Variants in RNF111 observed in about 807,000 individuals in gnomAD.
RNF111 encodes the protein E3 ubiquitin-protein ligase Arkadia.
Under a neutral mutation model 95.1 loss-of-function variants are expected in RNF111, and 17 were observed. That is an observed-to-expected ratio of 0.18 (90% CI 0.12 to 0.27). RNF111 has a LOEUF of 0.27. RNF111 is among the 10% of genes least tolerant of loss of function. RNF111 has a pLI of 1.00. For synonymous variants in RNF111, 440 were observed against 414.8 expected, an observed-to-expected ratio of 1.06 and a Z score of -0.74; for missense variants, 1,189 against 1,210.4, an observed-to-expected ratio of 0.98 and a Z score of 0.26.
intron 1 of RNF111, among the ~76,000 whole-genome samples, chr15:59,014,883 A>C (rs935714566): frequency 7.2e-5 from 11 of 151,990 alleles, no homozygotes; most frequent in African/African-American, 2.7e-4. Flanking sequence ...AGCCTTCTGA[A>C]TAGCTGGGAC....
intron 2 of RNF111, among the ~76,000 whole-genome samples, chr15:59,042,091 T>C (rs1246818449): frequency 6.6e-6 from 1 of 151,966 alleles, no homozygotes; most frequent in African/African-American, 2.4e-5. Context: ...ACAAATTAAT[T>C]AGTAGTTTCT....
At chr15:59,092,715 C>T (rs1485213728) in intron 13 of RNF111, 75 bp downstream of exon 13, 30 of 1,367,438 alleles carry the variant, frequency 2.2e-5, no homozygotes, top group African/African-American at 7.3e-5. Flanking sequence ...TAAATTACAC[C>T]GGGCATGATG....
intron 2 of RNF111, among the ~76,000 whole-genome samples, chr15:59,033,188 T>G (rs1213455178): frequency 6.6e-6 from 1 of 152,252 alleles, no homozygotes. Flanking sequence ...CAGTTTTACC[T>G]TATGTCTTGC....
At chr15:59,005,241 G>C (rs1413683743) in intron 1 of RNF111, among the ~76,000 whole-genome samples, 1 of 152,138 alleles carries the variant, frequency 6.6e-6, no homozygotes, top group Admixed American at 6.6e-5. Flanking sequence ...TGCCTAGGCT[G>C]ATCTCAAACT....
chr15:59,031,293 G>A lies in RNF111; in HGVS notation c.471G>A (p.Glu157=), dbSNP rs543681381. 2.5e-6 allele frequency: 4 copies of A among 1,614,012 alleles called. No individual in the cohort carries two copies. The South Asian group carries it at 3.3e-5, about 13-fold the overall frequency. The stretch of plus-strand genomic sequence containing the variant: ...ATTCTGATACTGTGACTTCAGATGA[G>A]GATAAAGAAGTCTCTGTAAGACATT... ...FGDSDTVTSD[E]DKEVSVRHSQ... Residue 157 remains glutamate (E), a synonymous_variant, in exon 2 of 14, where the codon GAG becomes GAA. Transcript: ENST00000348370.
In RNF111 at chr15:59,055,801, G is replaced by T; in HGVS notation, c.1127G>T (p.Arg376Met). ...SRISTVIQPL[R>M]QNAAEVVDLT... Reference sequence around the variant, plus strand: ...ATTTCTACTGTTATACAGCCCTTGAGGCAGAATGCAGCAGAAGTTGTGGAC... The same window carrying T: ...ATTTCTACTGTTATACAGCCCTTGATGCAGAATGCAGCAGAAGTTGTGGAC... The change falls in exon 4 of 14, where the codon AGG becomes ATG. Residue 376 changes from arginine (R) to methionine (M), a missense_variant. By Grantham distance (91) the Arg-to-Met change is moderately conservative (BLOSUM62 -1). Around this residue, in one of 2 missense-constraint regions of RNF111, gnomAD observed 1,024 missense variants for 925.9 expected, o/e 1.11. Transcript: ENST00000348370. 3 of 1,613,924 alleles carry T rather than the reference G, an allele frequency of 1.9e-6. No individual in the cohort carries two copies. The highest frequency in any genetic ancestry group is 2.5e-6 in the Non-Finnish European group (3 of 1,179,960).
intron 1 of RNF111, among the ~76,000 whole-genome samples, chr15:58,998,590 A>G (rs1253846807): frequency 1.3e-5 from 2 of 152,202 alleles, no homozygotes; most frequent in African/African-American, 4.8e-5. Context: ...ACACATTTTT[A>G]CTTGAAAGAA....
At chr15:59,051,130 A>G (rs1363707603) in intron 2 of RNF111, among the ~76,000 whole-genome samples, 3 of 152,214 alleles carry the variant, frequency 2.0e-5, no homozygotes, top group Admixed American at 2.0e-4. Context: ...CAAGTTTAGA[A>G]TGATTTAGAA....
chr15:59,064,040 A>G (rs1596248677), intron 5 of RNF111, among the ~76,000 whole-genome samples: 1 of 152,326 alleles, frequency 6.6e-6, no homozygotes, highest in East Asian at 1.9e-4. Context: ...ATAATGAGTA[A>G]TTACTATACA....
At position 59,031,303 on chromosome 15, in the gene RNF111, G is replaced by A. The variant is rs139160355; in HGVS notation, c.481G>A (p.Val161Ile). 2.7e-4 allele frequency: 439 copies of A among 1,614,072 alleles called. 1 individual carries two copies. The African/African-American group carries it at 5.3e-3, about 19-fold the overall frequency. ...TGTGACTTCAGATGAGGATAAAGAA[G>A]TCTCTGTAAGACATTCCCAGACCAT... is the stretch of plus-strand genomic sequence containing the variant. Reference protein sequence around the residue: ...DTVTSDEDKEVSVRHSQTILN... With the variant: ...DTVTSDEDKEISVRHSQTILN... Residue 161 changes from valine to isoleucine, a missense_variant, in exon 2 of 14, where the codon GTC becomes ATC. Physicochemically the swap from Val to Ile is conservative, Grantham distance 29. Around this residue, in one of 2 missense-constraint regions of RNF111, gnomAD observed 1,024 missense variants for 925.9 expected, o/e 1.11. Coordinates refer to ENST00000348370, the MANE Select transcript of RNF111 (RefSeq NM_017610.8).
chr15:59,058,588 T>C, intron 5 of RNF111, 38 bp downstream of exon 5: 1 of 1,548,548 alleles, frequency 6.5e-7, no homozygotes, highest in African/African-American at 1.4e-5. Context: ...CTTTTTGTCA[T>C]TACTTTCGTT....
At chr15:59,061,169 TTTTATA>T in intron 5 of RNF111, among the ~76,000 whole-genome samples, 1 of 152,286 alleles carries the variant, frequency 6.6e-6, no homozygotes, top group East Asian at 1.9e-4. Flanking sequence ...TTCCAAAAAC[TTTTATA>T]TATAAATCTT....
At chr15:59,087,806 A>G (rs1021048707) in intron 10 of RNF111, among the ~76,000 whole-genome samples, 6 of 152,180 alleles carry the variant, frequency 3.9e-5, no homozygotes, top group South Asian at 4.1e-4. Flanking sequence ...ATGTTGTTCA[A>G]GGGTGAACTG....
At position 59,096,859 on chromosome 15, in the gene RNF111, CTG is replaced by C. The variant is rs1486096013; in HGVS notation, c.*1961_*1962del. On this transcript the variant is annotated 3_prime_UTR_variant, in exon 14 of 14. Transcript: ENST00000348370. ...CTGAAGAAGTGTAAGATGGGGAGAA[CTG>C]TATGTCATGGAGTCCTCTTGACGTT... The C allele has an allele frequency of 1.3e-5, 2 of 152,184 alleles. No homozygotes were observed. Among genetic ancestry groups the C allele is most frequent in the African/African-American group, 4.8e-5 (2 of 41,442 alleles). The allele number at this position is 152,184 out of a possible 1,614,324, so 9.4% of individuals were successfully genotyped here. A position where few individuals can be genotyped will look rare whatever the true frequency, so the allele number is the denominator to read the frequency against.
chr15:59,054,322 T>C (rs980444810), intron 3 of RNF111, among the ~76,000 whole-genome samples: 2 of 152,216 alleles, frequency 1.3e-5, no homozygotes, highest in African/African-American at 4.8e-5. Context: ...TAGTGGCCAC[T>C]AATACCTCCT....
intron 2 of RNF111, among the ~76,000 whole-genome samples, chr15:59,044,600 A>G (rs897602646): frequency 2.0e-5 from 3 of 152,192 alleles, no homozygotes; most frequent in South Asian, 2.1e-4. Context: ...TTTAAAAGCT[A>G]TAAACAACCT....
In RNF111 at chr15:59,076,232, T is replaced by C. The variant is rs771887034; in HGVS notation, c.1948+17T>C. On this transcript the variant is annotated intron_variant, in intron 7 of 13. Coordinates refer to ENST00000348370, the MANE Select transcript of RNF111 (RefSeq NM_017610.8). ...CACCCCCTTGTAAGTATATACTTAG[T>C]GGACACAAAATCTAGAGTCATGTCA... is the stretch of plus-strand genomic sequence containing the variant. 1.6e-5 allele frequency: 25 copies of C among 1,604,348 alleles called. No individual in the cohort carries two copies. Among genetic ancestry groups the C allele is most frequent in the Non-Finnish European group, 1.8e-5 (21 of 1,173,600 alleles).
At chr15:59,029,805 G>C (rs1204831446) in intron 1 of RNF111, among the ~76,000 whole-genome samples, 1 of 152,158 alleles carries the variant, frequency 6.6e-6, no homozygotes, top group Non-Finnish European at 1.5e-5. Context: ...CTGTGTGCCA[G>C]TTACATAGAG....
chr15:59,071,313 A>AG (rs1486431563), intron 6 of RNF111, among the ~76,000 whole-genome samples: 2 of 151,402 alleles, frequency 1.3e-5, no homozygotes, highest in African/African-American at 4.9e-5. Context: ...AAAAAAAAAA[A>AG]AAAAGAATAC....
Sources: allele counts gnomAD v4.1 joint callset (sites outside exome capture counted in the v4.1 genomes callset), GRCh38; gene constraint gnomAD v4.1.1; regional missense constraint gnomAD v4.1.1; transcripts MANE v1.5; gene names NCBI Gene and HGNC (gene_info 2026-07-23, HGNC 2026-07-21).